Variants in MALRD1 observed in about 807,000 individuals in gnomAD.
MALRD1 encodes MAM and LDL receptor class A domain containing 1, also known as MAM and LDL-receptor class A domain-containing protein 1.
Under a neutral mutation model 242.1 loss-of-function variants are expected in MALRD1, and 247 were observed. The ratio of observed to expected loss-of-function variants is 1.02; its 90% confidence interval spans 0.92 to 1.13. The LOEUF is 1.13. Among genes scored for constraint, MALRD1 ranks in the 50% most tolerant of loss-of-function variants. The pLI is 0.00. For synonymous variants in MALRD1, 995 were observed against 866.6 expected (o/e 1.15, Z -2.60); for missense variants, 2,989 against 2,533.1 (o/e 1.18, Z -3.86).
chr10:19,678,016 C>T (rs1006692272), intron 36 of MALRD1, among the ~76,000 whole-genome samples: 1 of 152,070 alleles, frequency 6.6e-6, no homozygotes, highest in Non-Finnish European at 1.5e-5. Context: ...AGATTCTGTT[C>T]CATTGGTCTA....
At chr10:19,642,813 T>C (rs1840453459) in intron 36 of MALRD1, among the ~76,000 whole-genome samples, 1 of 151,970 alleles carries the variant, frequency 6.6e-6, no homozygotes, top group African/African-American at 2.4e-5. Context: ...GTATTACTAA[T>C]AGGGGGTATA....
intron 18 of MALRD1, among the ~76,000 whole-genome samples, chr10:19,240,355 T>G (rs568443023): frequency 1.8e-4 from 28 of 152,182 alleles, no homozygotes; most frequent in Non-Finnish European, 3.2e-4. Context: ...TTTACTGAAT[T>G]TATTTATTAT....
chr10:19,396,141 C>CTT (rs71387076), intron 28 of MALRD1, among the ~76,000 whole-genome samples: 3 of 103,944 alleles, frequency 2.9e-5, no homozygotes, highest in East Asian at 5.3e-4. Context: ...TTTTTTTTTT[C>CTT]TTTTTTTTTT....
intron 31 of MALRD1, among the ~76,000 whole-genome samples, chr10:19,523,142 G>A (rs899747347): frequency 6.6e-6 from 1 of 151,982 alleles, no homozygotes; most frequent in African/African-American, 2.4e-5. Context: ...ATCTCTTATT[G>A]CTTCTGAGTC....
At position 19,377,659 on chromosome 10, in the gene MALRD1, A is replaced by G. The variant is rs1845668472; in HGVS notation, c.4442-9869A>G. Among the ~76,000 whole-genome samples the G allele has an allele frequency of 2.6e-5, 4 of 151,976 alleles. No individual in the cohort carries two copies. In the South Asian group the frequency reaches 6.2e-4, roughly 24 times the overall value. On this transcript the variant is annotated intron_variant, in intron 26 of 39. Coordinates refer to ENST00000454679, the MANE Select transcript of MALRD1 (RefSeq NM_001142308.3). ...TAATTATTTTTTTTTCATTTTTGAT[A>G]CAAATCCTATAACCATTAATGAATT...
At chr10:19,277,349 C>G (rs1840581770) in intron 19 of MALRD1, among the ~76,000 whole-genome samples, 1 of 152,152 alleles carries the variant, frequency 6.6e-6, no homozygotes, top group African/African-American at 2.4e-5. Flanking sequence ...CCTAAGGGAT[C>G]AGAATACTAT....
chr10:19,339,730 T>C (rs1338321035), intron 24 of MALRD1, among the ~76,000 whole-genome samples: 1 of 152,232 alleles, frequency 6.6e-6, no homozygotes, highest in African/African-American at 2.4e-5. Flanking sequence ...GATGAGGTTC[T>C]GTGATGTGTT....
chr10:19,411,669 T>C (rs1833280720), intron 28 of MALRD1, among the ~76,000 whole-genome samples: 1 of 152,144 alleles, frequency 6.6e-6, no homozygotes, highest in African/African-American at 2.4e-5. Context: ...CACCCCAGAC[T>C]ACCTGTCAAG....
At position 19,686,695 on chromosome 10, in the gene MALRD1, T is replaced by C. The variant is rs1842598499; in HGVS notation, c.6138-5587T>C. 2.0e-5 allele frequency among the ~76,000 whole-genome samples: 3 copies of C among 152,140 alleles called. No homozygotes were observed. The South Asian group carries it at 6.2e-4, about 32-fold the overall frequency. ...TGGAGGGGTGCCTTCTCCTGCCCTGTTAATATCTGACTAGCGACCTACTGT... is the reference window on the plus strand; with the variant it reads ...TGGAGGGGTGCCTTCTCCTGCCCTGCTAATATCTGACTAGCGACCTACTGT... On this transcript the variant is annotated intron_variant, in intron 36 of 39. Coordinates refer to ENST00000454679, the MANE Select transcript of MALRD1 (RefSeq NM_001142308.3).
At chr10:19,509,561 A>T (rs890200393) in intron 31 of MALRD1, among the ~76,000 whole-genome samples, 2 of 152,136 alleles carry the variant, frequency 1.3e-5, no homozygotes, top group Admixed American at 6.5e-5. Flanking sequence ...AACCTTGGGC[A>T]TTGATGCTAA....
intron 29 of MALRD1, among the ~76,000 whole-genome samples, chr10:19,467,763 A>C (rs1343711186): frequency 6.7e-6 from 1 of 149,746 alleles, no homozygotes; most frequent in East Asian, 2.0e-4. Flanking sequence ...CTGGTTGCCT[A>C]ATCTACATAC....
At chr10:19,292,878 G>A (rs34181967) in intron 21 of MALRD1, among the ~76,000 whole-genome samples, 17,867 of 135,640 alleles carry the variant, frequency 0.13, 1,148 homozygotes, top group South Asian at 0.15. Context: ...GGGCAACAGA[G>A]CGAGACTCTG....
intron 36 of MALRD1, among the ~76,000 whole-genome samples, chr10:19,634,484 G>A (rs1172401564): frequency 1.3e-5 from 2 of 152,108 alleles, no homozygotes; most frequent in African/African-American, 4.8e-5. Context: ...AGATCTAGTA[G>A]AAATGTTATT....
chr10:19,140,959 G>A (rs936472056), intron 10 of MALRD1, among the ~76,000 whole-genome samples: 1 of 152,020 alleles, frequency 6.6e-6, no homozygotes, highest in Non-Finnish European at 1.5e-5. Flanking sequence ...CACACAAAAG[G>A]TAACTATATG....
chr10:19,679,074 A>AT (rs1842256789), intron 36 of MALRD1, among the ~76,000 whole-genome samples: 1 of 152,068 alleles, frequency 6.6e-6, no homozygotes, highest in South Asian at 2.1e-4. Context: ...TTTGTTGAGA[A>AT]TTTTTACACT....
intron 1 of MALRD1, among the ~76,000 whole-genome samples, chr10:19,061,501 G>C (rs1834821278): frequency 6.6e-6 from 1 of 151,882 alleles, no homozygotes; most frequent in African/African-American, 2.4e-5. Context: ...AAATACCTGG[G>C]AAAAGAAGAA....
intron 26 of MALRD1, among the ~76,000 whole-genome samples, chr10:19,361,578 G>A (rs528381961): frequency 6.6e-6 from 1 of 152,150 alleles, no homozygotes; most frequent in Non-Finnish European, 1.5e-5. Flanking sequence ...ACGTAACTAG[G>A]ATATTTAACT....
chr10:19,319,994 A>G (rs1292273102), intron 21 of MALRD1, among the ~76,000 whole-genome samples: 1 of 150,326 alleles, frequency 6.7e-6, no homozygotes, highest in Non-Finnish European at 1.5e-5. Flanking sequence ...TTGTAGCCAC[A>G]TATGAAATGG....
chr10:19,692,464 G>A lies in MALRD1; in HGVS notation c.6224G>A (p.Trp2075Ter), dbSNP rs1833122467. ...CTTTGGTTTAAAATTCCAGATACAT[G>A]GACTCTCCTGGGTATTGGATTAGCA... is the stretch of plus-strand genomic sequence containing the variant. Reference protein sequence around the residue: ...TDFTYAQNNTWTLLGIGLAFL... With the variant: ...TDFTYAQNNT Residue 2075 changes from tryptophan to a stop codon, truncating the protein, a stop_gained, in exon 38 of 40, where the codon TGG (tryptophan) becomes TAG (stop). Coordinates refer to ENST00000454679, the MANE Select transcript of MALRD1 (RefSeq NM_001142308.3). LOFTEE classifies it high-confidence loss of function. 1 of 1,535,288 alleles carries A rather than the reference G, an allele frequency of 6.5e-7. No individual in the cohort carries two copies. The highest frequency in any genetic ancestry group is 1.2e-5 in the South Asian group (1 of 83,974).
Sources: gnomAD v4.1 joint callset for allele counts (sites outside exome capture counted in the v4.1 genomes callset) on GRCh38, gnomAD v4.1.1 for gene constraint, MANE v1.5 for transcripts, NCBI Gene and HGNC (gene_info 2026-07-23, HGNC 2026-07-21) for gene names.